Variants in VEPH1 observed in about 807,000 individuals in gnomAD.
The protein encoded by VEPH1 is ventricular zone-expressed PH domain-containing protein homolog 1.
VEPH1 carries 80 observed loss-of-function variants against 85.2 expected under a neutral mutation model. The ratio of observed to expected loss-of-function variants is 0.94; its 90% CI spans 0.78 to 1.13. The LOEUF is 1.13. VEPH1 is among the 50% of genes most tolerant of loss of function. The pLI is 0.00. For synonymous variants in VEPH1, 297 were observed against 348.0 expected, an observed-to-expected ratio of 0.85 and a Z score of 1.63; for missense variants, 955 against 980.5, an observed-to-expected ratio of 0.97 and a Z score of 0.35.
At chr3:157,292,196 G>A (rs906804368) in intron 11 of VEPH1, among the ~76,000 whole-genome samples, 7 of 152,106 alleles carry the variant, frequency 4.6e-5, no homozygotes, top group Admixed American at 2.0e-4. Context: ...CTCCCAGAGT[G>A]CTGTGATTAG....
intron 3 of VEPH1, among the ~76,000 whole-genome samples, chr3:157,462,486 G>A (rs578199828): frequency 9.9e-5 from 15 of 152,102 alleles, no homozygotes; most frequent in Non-Finnish European, 2.2e-4. Context: ...ATATAAAAAC[G>A]GTGGTGACAG....
intron 5 of VEPH1, among the ~76,000 whole-genome samples, chr3:157,424,455 AG>A (rs1399030828): frequency 6.6e-5 from 10 of 152,324 alleles, no homozygotes; most frequent in African/African-American, 2.2e-4. Flanking sequence ...TAACAGGCAG[AG>A]GTTGGAACAG....
chr3:157,288,053 G>T (rs1313625879), intron 11 of VEPH1, among the ~76,000 whole-genome samples: 1 of 152,198 alleles, frequency 6.6e-6, no homozygotes, highest in Non-Finnish European at 1.5e-5. Context: ...GACTGTAAAT[G>T]GATGGAAAAC....
At chr3:157,478,781 G>A (rs1014518808) in intron 2 of VEPH1, among the ~76,000 whole-genome samples, 3 of 152,102 alleles carry the variant, frequency 2.0e-5, no homozygotes, top group Non-Finnish European at 4.4e-5. Flanking sequence ...TAACTGCAGC[G>A]AATATAGTAA....
At chr3:157,465,643 T>G (rs1405398738) in intron 3 of VEPH1, among the ~76,000 whole-genome samples, 2 of 152,232 alleles carry the variant, frequency 1.3e-5, no homozygotes, top group Non-Finnish European at 2.9e-5. Context: ...TGCTCTCCAC[T>G]GTCTGAGGCA....
At chr3:157,380,708 C>T (rs3911402) in intron 7 of VEPH1, among the ~76,000 whole-genome samples, 65,547 of 151,984 alleles carry the variant, frequency 0.43, 15,081 homozygotes, top group Admixed American at 0.58. Flanking sequence ...CATAACCTTT[C>T]GGCCATTCTG....
chr3:157,324,974 T>C (rs1721739873), intron 9 of VEPH1, among the ~76,000 whole-genome samples: 1 of 152,198 alleles, frequency 6.6e-6, no homozygotes, highest in Non-Finnish European at 1.5e-5. Context: ...AGCATTCCCT[T>C]TTCTCCACAA....
rs986284535 is a variant in VEPH1 at position 157,293,140 on chromosome 3, C to T, written c.2011-6466G>A. Among the ~76,000 whole-genome samples, 6 of 152,174 alleles carry T rather than the reference C, an allele frequency of 3.9e-5. 1 individual carries two copies. Among genetic ancestry groups the T allele is most frequent in the Middle Eastern group, 6.8e-3 (2 of 294 alleles). ...GAAGAGATCAGGTGTGAAAATTGAA[C>T]TCATTGGGCCCAATTTGAAACTTGG... On this transcript the variant is annotated intron_variant, in intron 11 of 13. Coordinates refer to ENST00000362010, the MANE Select transcript of VEPH1 (RefSeq NM_001167912.2).
chr3:157,420,433 A>T (rs180736062), intron 5 of VEPH1, among the ~76,000 whole-genome samples: 1 of 152,266 alleles, frequency 6.6e-6, no homozygotes, highest in East Asian at 1.9e-4. Context: ...CTTCAGGCCC[A>T]ATTTTCTCTT....
At chr3:157,279,125 G>T (rs745471915) in intron 12 of VEPH1, among the ~76,000 whole-genome samples, 1 of 152,138 alleles carries the variant, frequency 6.6e-6, no homozygotes, top group Non-Finnish European at 1.5e-5. Context: ...GGCCAGGACC[G>T]CATATATAGA....
At chr3:157,399,088 C>G (rs1028220917) in intron 6 of VEPH1, among the ~76,000 whole-genome samples, 1 of 152,104 alleles carries the variant, frequency 6.6e-6, no homozygotes, top group Admixed American at 6.5e-5. Flanking sequence ...ACTTGAGTAT[C>G]AAAAATCTTA....
chr3:157,320,458 T>C (rs762096442), intron 9 of VEPH1, among the ~76,000 whole-genome samples: 1 of 152,142 alleles, frequency 6.6e-6, no homozygotes, highest in Non-Finnish European at 1.5e-5. Flanking sequence ...CATAAATGTT[T>C]AAGGTAATTC....
At chr3:157,445,030 C>T (rs756704871) in intron 4 of VEPH1, among the ~76,000 whole-genome samples, 23 of 152,172 alleles carry the variant, frequency 1.5e-4, no homozygotes, top group Non-Finnish European at 2.6e-4. Flanking sequence ...CAGCTTGATG[C>T]AGCCATATAA....
chr3:157,436,772 A>C, intron 4 of VEPH1: 7 of 422,172 alleles, frequency 1.7e-5, no homozygotes, highest in South Asian at 3.1e-5. Context: ...CCGTTACCGC[A>C]GTGCCACCAG....
intron 9 of VEPH1, among the ~76,000 whole-genome samples, chr3:157,347,811 C>T (rs906659867): frequency 3.3e-5 from 5 of 152,236 alleles, no homozygotes; most frequent in African/African-American, 1.2e-4. Context: ...ACAGTCCTCT[C>T]AAACCCTAAG....
At chr3:157,393,283 A>T (rs1249654423) in intron 6 of VEPH1, among the ~76,000 whole-genome samples, 1 of 152,236 alleles carries the variant, frequency 6.6e-6, no homozygotes, top group East Asian at 1.9e-4. Context: ...TTCTTGTTAT[A>T]GGAGATAATA....
chr3:157,460,441 G>C, intron 3 of VEPH1, 86 bp from the exon 4 acceptor site: 1 of 1,455,072 alleles, frequency 6.9e-7, no homozygotes, highest in Non-Finnish European at 9.2e-7. Flanking sequence ...ATATTTATTG[G>C]ATTAAGCTAC....
chr3:157,418,677 C>T (rs185061047), intron 5 of VEPH1, among the ~76,000 whole-genome samples: 9 of 140,818 alleles, frequency 6.4e-5, no homozygotes, highest in East Asian at 6.2e-4. Flanking sequence ...TCAAGAAAAT[C>T]GGAGAGGACA....
At chr3:157,404,352 C>T (rs557090462) in intron 6 of VEPH1, among the ~76,000 whole-genome samples, 10 of 152,044 alleles carry the variant, frequency 6.6e-5, no homozygotes, top group Non-Finnish European at 1.2e-4. Flanking sequence ...GCAAATGCAA[C>T]CAGAAAACCA....
Sources: allele counts gnomAD v4.1 joint callset (sites outside exome capture counted in the v4.1 genomes callset), GRCh38; gene constraint gnomAD v4.1.1; transcripts MANE v1.5; gene names NCBI Gene and HGNC (gene_info 2026-07-23, HGNC 2026-07-21).